The following RETREG1 variants were observed in gnomAD, a reference collection of about 807,000 sequenced individuals.
RETREG1 encodes family with sequence similarity 134 member B.
In RETREG1, 44 loss-of-function variants were observed where a neutral mutation model predicts 54.8. The observed-to-expected ratio is 0.80, with a 90% CI of 0.63 to 1.03. The LOEUF (loss-of-function observed/expected upper bound fraction) is 1.03. RETREG1 is among the 50% of genes least tolerant of loss of function. The probability of loss-of-function intolerance (pLI) is 0.00; values close to 1 mark genes in which losing one functional copy is unlikely to be tolerated. For missense variants in RETREG1, 554 were observed against 605.1 expected (o/e 0.92, Z 0.89); for synonymous variants, 217 against 238.5 (o/e 0.91, Z 0.83).
At position 16,616,964 on chromosome 5, in the gene RETREG1, C is replaced by A. The variant is rs1316601007; in HGVS notation, c.8G>T (p.Ser3Ile). 7.0e-7 allele frequency: 1 copy of A among 1,430,848 alleles called. No homozygotes were observed. Among genetic ancestry groups the A allele is most frequent in the East Asian group, 3.1e-5 (1 of 32,748 alleles). The allele number at this position is 1,430,848 out of a possible 1,614,324, so 88.6% of individuals were successfully genotyped here. The stretch of plus-strand genomic sequence containing the variant: ...CTCGGCGTGCTCCGGAGGCGCCGGG[C>A]TCGCCATCTTCAGCTGTGCTTCCAG... MA[S>I]PAPPEHAEEG... Residue 3 changes from serine to isoleucine, a missense_variant, in exon 1 of 9, where the codon AGC becomes ATC. Coordinates refer to ENST00000306320, the MANE Select transcript of RETREG1 (RefSeq NM_001034850.3).
At chr5:16,584,416 T>A (rs1254392749) in intron 1 of RETREG1, among the ~76,000 whole-genome samples, 1 of 152,160 alleles carries the variant, frequency 6.6e-6, no homozygotes, top group African/African-American at 2.4e-5. Context: ...TAAATGATTT[T>A]AAAAAATGAA....
intron 3 of RETREG1, among the ~76,000 whole-genome samples, chr5:16,507,394 T>C (rs529229226): frequency 6.6e-6 from 1 of 152,344 alleles, no homozygotes; most frequent in East Asian, 1.9e-4. Flanking sequence ...AGGGGATACA[T>C]ACGAGTAAAT....
chr5:16,492,032 A>C (rs1353824878), intron 3 of RETREG1, among the ~76,000 whole-genome samples: 1 of 152,168 alleles, frequency 6.6e-6, no homozygotes, highest in Non-Finnish European at 1.5e-5. Flanking sequence ...CTGTTCCCAC[A>C]TGGCCCACCA....
chr5:16,495,092 G>GT (rs1321384042), intron 3 of RETREG1, among the ~76,000 whole-genome samples: 3 of 152,200 alleles, frequency 2.0e-5, no homozygotes, highest in African/African-American at 7.2e-5. Context: ...AACTTAAAGA[G>GT]TGATGATTTA....
intron 3 of RETREG1, among the ~76,000 whole-genome samples, chr5:16,538,865 C>T (rs961775906): frequency 2.6e-5 from 4 of 152,108 alleles, no homozygotes; most frequent in Admixed American, 6.6e-5. Flanking sequence ...CCACAATGCC[C>T]GGCTAATTTT....
chr5:16,582,788 G>C (rs173963), intron 1 of RETREG1, among the ~76,000 whole-genome samples: 21,695 of 152,116 alleles, frequency 0.14, 1,534 homozygotes, highest in Non-Finnish European at 0.16. Flanking sequence ...GTCTGCACTG[G>C]CCGCTCAGAA....
chr5:16,509,949 G>A (rs912906095), intron 3 of RETREG1, among the ~76,000 whole-genome samples: 18 of 152,136 alleles, frequency 1.2e-4, no homozygotes, highest in South Asian at 2.1e-4. Context: ...AGCCAAGATC[G>A]TGCCACTGCA....
At chr5:16,569,229 T>G (rs1742105374) in intron 2 of RETREG1, among the ~76,000 whole-genome samples, 1 of 151,640 alleles carries the variant, frequency 6.6e-6, no homozygotes, top group African/African-American at 2.4e-5. Context: ...GGCACCAGAG[T>G]TTCTTCAGCA....
chr5:16,596,316 G>A (rs767105936), intron 1 of RETREG1, among the ~76,000 whole-genome samples: 26 of 152,288 alleles, frequency 1.7e-4, no homozygotes, highest in Non-Finnish European at 3.1e-4. Context: ...GGCAGCTCTG[G>A]GATATGATTT....
intron 1 of RETREG1, among the ~76,000 whole-genome samples, chr5:16,605,205 A>C (rs1166763390): frequency 2.0e-5 from 3 of 152,174 alleles, no homozygotes; most frequent in Non-Finnish European, 4.4e-5. Flanking sequence ...TCCTGCCTTA[A>C]CCTCCTCAAC....
intron 1 of RETREG1, 147 bp downstream of exon 1, chr5:16,616,505 G>C (rs1004609692): frequency 6.6e-6 from 9 of 1,366,134 alleles, no homozygotes; most frequent in Admixed American, 2.4e-5. Context: ...CTACCTGTTC[G>C]AGACAGGTGG....
intron 3 of RETREG1, among the ~76,000 whole-genome samples, chr5:16,525,250 A>G (rs1451252371): frequency 1.9e-4 from 24 of 126,846 alleles, no homozygotes; most frequent in East Asian, 1.0e-3. Context: ...GCTGACCTGC[A>G]TCCTCTGGCC....
At chr5:16,508,942 T>TTC (rs1740076630) in intron 3 of RETREG1, 1 of 1,174,734 alleles carries the variant, frequency 8.5e-7, no homozygotes, top group Non-Finnish European at 1.1e-6. Flanking sequence ...CTGCCCCGCA[T>TTC]TCTCTCTCCA....
At chr5:16,538,867 G>C (rs1030282333) in intron 3 of RETREG1, among the ~76,000 whole-genome samples, 2 of 152,126 alleles carry the variant, frequency 1.3e-5, no homozygotes. Flanking sequence ...ACAATGCCCG[G>C]CTAATTTTTT....
intron 1 of RETREG1, among the ~76,000 whole-genome samples, chr5:16,574,926 T>G (rs1221048268): frequency 6.6e-6 from 1 of 152,166 alleles, no homozygotes; most frequent in Non-Finnish European, 1.5e-5. Flanking sequence ...GTCCCTCCCC[T>G]AAGGAGCCAC....
At chr5:16,515,220 A>T (rs1172380160) in intron 3 of RETREG1, among the ~76,000 whole-genome samples, 1 of 152,130 alleles carries the variant, frequency 6.6e-6, no homozygotes, top group Non-Finnish European at 1.5e-5. Flanking sequence ...CATTCCCACC[A>T]GCAGTGTAAA....
At chr5:16,538,703 CTT>C (rs879370720) in intron 3 of RETREG1, among the ~76,000 whole-genome samples, 45 of 143,192 alleles carry the variant, frequency 3.1e-4, no homozygotes, top group Non-Finnish European at 4.0e-4. Context: ...TTCTTTCATT[CTT>C]TTTTTTTTTT....
Position 16,616,997 on chromosome 5 carries a change from C to G in RETREG1, c.-26G>C. ...CTTCAGCTGTGCTTCCAGACAGGGA[C>G]GGGGCCGGGCGCGCGCGCGGGCGCG... is the stretch of plus-strand genomic sequence containing the variant. On this transcript the variant is annotated 5_prime_UTR_variant, in exon 1 of 9. Transcript: ENST00000306320. 1 of 1,281,526 alleles carries G rather than the reference C, an allele frequency of 7.8e-7. No homozygotes were observed. The allele number at this position is 1,281,526 out of a possible 1,614,324, so 79.4% of individuals were successfully genotyped here. A position where few individuals can be genotyped will look rare whatever the true frequency, so the allele number is the denominator to read the frequency against.
intron 3 of RETREG1, among the ~76,000 whole-genome samples, chr5:16,540,980 C>T (rs993483336): frequency 2.0e-5 from 3 of 152,164 alleles, no homozygotes; most frequent in Non-Finnish European, 4.4e-5. Context: ...TATTACGCAC[C>T]AGCACCATCA....
Sources: allele counts gnomAD v4.1 joint callset (sites outside exome capture counted in the v4.1 genomes callset), GRCh38; gene constraint gnomAD v4.1.1; transcripts MANE v1.5; gene names NCBI Gene and HGNC (gene_info 2026-07-23, HGNC 2026-07-21).